Variants in KCNIP1 observed in about 807,000 individuals in gnomAD.
KCNIP1 encodes the protein potassium voltage-gated channel interacting protein 1.
A neutral mutation model predicts 33.0 loss-of-function variants in KCNIP1; 18 were observed. The observed-to-expected ratio is 0.55, with a 90% CI of 0.38 to 0.81. The LOEUF is 0.81. Ranked by LOEUF, KCNIP1 falls within the 30% of genes least tolerant of loss-of-function variation. The probability of loss-of-function intolerance (pLI) is 0.00; values close to 1 mark genes in which losing one functional copy is unlikely to be tolerated. For synonymous variants in KCNIP1, 93 were observed against 98.3 expected (o/e 0.95, Z 0.32); for missense variants, 238 against 271.6 (o/e 0.88, Z 0.87).
intron 1 of KCNIP1, among the ~76,000 whole-genome samples, chr5:170,384,005 C>T (rs768617447): frequency 1.3e-5 from 2 of 152,184 alleles, no homozygotes; most frequent in Non-Finnish European, 2.9e-5. Flanking sequence ...GGCACATGAC[C>T]CCACAGTCCC....
intron 1 of KCNIP1, among the ~76,000 whole-genome samples, chr5:170,508,573 G>A (rs1754804479): frequency 6.6e-6 from 1 of 152,240 alleles, no homozygotes; most frequent in Non-Finnish European, 1.5e-5. Context: ...CCTTTGGCAA[G>A]TCATTTCACC....
Position 170,378,585 on chromosome 5 carries a change from T to G in KCNIP1, c.88+24621T>G, listed in dbSNP as rs142022522. 8.9e-5 allele frequency: 93 copies of G among 1,047,816 alleles called. No individual in the cohort carries two copies. The African/African-American group carries it at 1.2e-3, about 14-fold the overall frequency. 64.9% of individuals were successfully genotyped at this position (1,047,816 alleles called of 1,614,324 possible). Reference sequence around the variant, plus strand: ...GTCCTGCAACAGAAGACAGCGTGGATTGGACTGGAAGAGTGGGAGGGCAGG... The same window carrying G: ...GTCCTGCAACAGAAGACAGCGTGGAGTGGACTGGAAGAGTGGGAGGGCAGG... On this transcript the variant is annotated intron_variant, in intron 1 of 7. Transcript: ENST00000377360.
chr5:170,711,287 C>A (rs968685459), intron 1 of KCNIP1, among the ~76,000 whole-genome samples: 3 of 152,180 alleles, frequency 2.0e-5, no homozygotes, highest in Non-Finnish European at 1.5e-5. Context: ...AGTTTCTAAT[C>A]CATGGTCTAT....
intron 1 of KCNIP1, among the ~76,000 whole-genome samples, chr5:170,462,263 G>GC (rs1756518798): frequency 7.3e-5 from 1 of 13,696 alleles, no homozygotes; most frequent in Non-Finnish European, 1.4e-4. Context: ...AAACAAATTA[G>GC]CAAAAAAAAA....
intron 1 of KCNIP1, among the ~76,000 whole-genome samples, chr5:170,706,511 C>G (rs1054061679): frequency 1.3e-5 from 2 of 152,176 alleles, no homozygotes; most frequent in African/African-American, 4.8e-5. Context: ...ACCAGCCTAC[C>G]AACGCTAGCT....
intron 1 of KCNIP1, among the ~76,000 whole-genome samples, chr5:170,611,577 G>A (rs1244669296): frequency 6.6e-6 from 1 of 152,212 alleles, no homozygotes. Flanking sequence ...GACAGCATGT[G>A]TCTCTCTAGC....
At chr5:170,501,311 G>T (rs56653444), upstream of KCNIP1, among the ~76,000 whole-genome samples, 1 of 152,096 alleles carries the variant, frequency 6.6e-6, no homozygotes, top group Non-Finnish European at 1.5e-5. Context: ...GGAACAGCAC[G>T]TGCAAAGGCC....
intron 1 of KCNIP1, among the ~76,000 whole-genome samples, chr5:170,595,864 A>G (rs1281230065): frequency 2.0e-5 from 3 of 152,256 alleles, no homozygotes; most frequent in African/African-American, 7.2e-5. Flanking sequence ...AGTTTGTGTC[A>G]TGGTTTTAGA....
chr5:170,514,603 C>A (rs1294645423), intron 1 of KCNIP1, among the ~76,000 whole-genome samples: 2 of 152,238 alleles, frequency 1.3e-5, no homozygotes, highest in Admixed American at 1.3e-4. Flanking sequence ...TTAAGGAAGT[C>A]TGCCAAATTT....
intron 1 of KCNIP1, among the ~76,000 whole-genome samples, chr5:170,544,160 A>G (rs954435269): frequency 6.6e-6 from 1 of 152,078 alleles, no homozygotes; most frequent in Admixed American, 6.6e-5. Context: ...CACCTGTAAT[A>G]CCAGCACTTT....
intron 1 of KCNIP1, among the ~76,000 whole-genome samples, chr5:170,715,703 A>C (rs901751460): frequency 6.6e-6 from 1 of 152,210 alleles, no homozygotes; most frequent in African/African-American, 2.4e-5. Context: ...TACTTTACAA[A>C]CAAAAGGTGC....
At chr5:170,463,887 G>A (rs1470142490) in intron 1 of KCNIP1, among the ~76,000 whole-genome samples, 2 of 152,118 alleles carry the variant, frequency 1.3e-5, no homozygotes, top group African/African-American at 4.8e-5. Flanking sequence ...ACTATTTCCG[G>A]ATGATACCAC....
chr5:170,732,260 G>T (rs1468178954), intron 5 of KCNIP1, among the ~76,000 whole-genome samples: 2 of 152,154 alleles, frequency 1.3e-5, no homozygotes, highest in African/African-American at 2.4e-5. Flanking sequence ...GATAAACACG[G>T]AAACTCTCAG....
At chr5:170,704,040 G>C (rs1451845461) in intron 1 of KCNIP1, among the ~76,000 whole-genome samples, 1 of 137,890 alleles carries the variant, frequency 7.3e-6, no homozygotes, top group African/African-American at 2.7e-5. Context: ...TGGACAGAGA[G>C]AGCTTTTTTT....
intron 1 of KCNIP1, among the ~76,000 whole-genome samples, chr5:170,688,679 G>T (rs2113810217): frequency 6.6e-6 from 1 of 152,258 alleles, no homozygotes; most frequent in Admixed American, 6.5e-5. Flanking sequence ...GTGACCTTTT[G>T]GAGGCCTCCC....
At chr5:170,602,672 G>A (rs758119064) in intron 1 of KCNIP1, among the ~76,000 whole-genome samples, 1 of 152,170 alleles carries the variant, frequency 6.6e-6, no homozygotes, top group Admixed American at 6.5e-5. Context: ...CTAGGACAGG[G>A]ATAGACTCAA....
chr5:170,724,171 A>T (rs1475030138), intron 5 of KCNIP1, among the ~76,000 whole-genome samples: 1 of 152,226 alleles, frequency 6.6e-6, no homozygotes, highest in Non-Finnish European at 1.5e-5. Context: ...ACCATTCCCA[A>T]ATAAAATTAT....
At chr5:170,675,546 A>G (rs1193770560) in intron 1 of KCNIP1, among the ~76,000 whole-genome samples, 1 of 152,160 alleles carries the variant, frequency 6.6e-6, no homozygotes, top group African/African-American at 2.4e-5. Context: ...ACTTGAACCC[A>G]GGAGGCGGAG....
At chr5:170,662,330 T>C (rs1053274389) in intron 1 of KCNIP1, among the ~76,000 whole-genome samples, 2 of 152,116 alleles carry the variant, frequency 1.3e-5, no homozygotes, top group Non-Finnish European at 2.9e-5. Flanking sequence ...AGGGAGGAGC[T>C]ACCCGGGGGA....
Sources: gnomAD v4.1 joint callset for allele counts (sites outside exome capture counted in the v4.1 genomes callset) on GRCh38, gnomAD v4.1.1 for gene constraint, MANE v1.5 for transcripts, NCBI Gene and HGNC (gene_info 2026-07-23, HGNC 2026-07-21) for gene names.